FNDC3B: variants seen among roughly 807,000 people sequenced by gnomAD.
FNDC3B encodes the protein fibronectin type III domain-containing protein 3B.
In FNDC3B, 12 loss-of-function variants were observed where a neutral mutation model predicts 151.5. The observed-to-expected ratio is 0.08, with a 90% confidence interval of 0.05 to 0.13. FNDC3B has a LOEUF of 0.13. Ranked by LOEUF, FNDC3B falls within the 10% of genes least tolerant of loss-of-function variation. The pLI is 1.00. For synonymous variants in FNDC3B, 528 were observed against 549.0 expected (o/e 0.96, Z 0.54); for missense variants, 1,214 against 1,505.3 (o/e 0.81, Z 3.20).
chr3:172,307,449 T>TC lies in FNDC3B; in HGVS notation c.1154dup (p.Lys386Ter). 1 of 1,613,946 alleles carries TC rather than the reference T, an allele frequency of 6.2e-7. No individual in the cohort carries two copies. Among genetic ancestry groups the TC allele is most frequent in the Non-Finnish European group, 8.5e-7 (1 of 1,179,952 alleles). On this transcript the variant is annotated frameshift_variant, in exon 10 of 26. Transcript: ENST00000415807. LOFTEE classifies it high-confidence loss of function. Reference sequence around the variant, plus strand: ...CACAGCTGTGCACCCGAGTGTCCTTTCCCCCCTAAGCTGGCACATAGGAGC... The same window carrying TC: ...CACAGCTGTGCACCCGAGTGTCCTTTCCCCCCCTAAGCTGGCACATAGGAGC...
chr3:172,243,550 A>T (rs1421086250), intron 4 of FNDC3B, among the ~76,000 whole-genome samples: 1 of 152,148 alleles, frequency 6.6e-6, no homozygotes, highest in Non-Finnish European at 1.5e-5. Context: ...TTAAATCACC[A>T]TCATGAGAAC....
In FNDC3B at chr3:172,343,063, G is replaced by A. The variant is rs371188009; in HGVS notation, c.2024G>A (p.Arg675Gln). ...CTAAGCATTGCACCAGGTCAATGTC[G>A]ACCACCGAGGGTTTTGGGTAGACCA... ...RTLSIAPGQC[R>Q]PPRVLGRPKH... The change falls in exon 18 of 26, where the codon CGA becomes CAA. Residue 675 changes from arginine to glutamine, a missense_variant. This residue lies in a region of FNDC3B where 380 missense variants were observed against 420.9 expected (regional missense o/e 0.90). Transcript: ENST00000415807. 22 of 1,613,354 alleles carry A rather than the reference G, an allele frequency of 1.4e-5. No individual in the cohort carries two copies. Among genetic ancestry groups the A allele is most frequent in the African/African-American group, 9.3e-5 (7 of 74,918 alleles).
intron 3 of FNDC3B, among the ~76,000 whole-genome samples, chr3:172,139,027 A>T (rs1559984092): frequency 1.3e-5 from 2 of 152,192 alleles, no homozygotes; most frequent in South Asian, 4.1e-4. Context: ...TCTGTGAATG[A>T]CACCATTGAG....
intron 25 of FNDC3B, among the ~76,000 whole-genome samples, chr3:172,391,593 A>T (rs970638943): frequency 1.3e-5 from 2 of 152,368 alleles, no homozygotes; most frequent in East Asian, 1.9e-4. Flanking sequence ...AAGGGTAAAC[A>T]AATATTTCAA....
intron 1 of FNDC3B, among the ~76,000 whole-genome samples, chr3:172,051,508 G>A (rs895555623): frequency 1.3e-5 from 2 of 152,084 alleles, no homozygotes; most frequent in Admixed American, 1.3e-4. Context: ...TTTAAACTTA[G>A]CACCTTTCAA....
rs553961040 is a variant in FNDC3B, at chr3:172,053,283, A to C, written c.-29+13512A>C. Among the ~76,000 whole-genome samples the C allele has an allele frequency of 1.3e-3, 203 of 152,338 alleles. 7 individuals are homozygous for C. The South Asian group carries it at 0.041, about 31-fold the overall frequency. ...AGAAGGCATACTCAAAAACATTAAA[A>C]AACTTTCCTAAGTCACTTAGAGTGA... is the stretch of plus-strand genomic sequence containing the variant. On this transcript the variant is annotated intron_variant, in intron 1 of 25. Transcript: ENST00000415807.
chr3:172,264,822 G>T (rs1728836819), intron 6 of FNDC3B, among the ~76,000 whole-genome samples: 3 of 152,146 alleles, frequency 2.0e-5, no homozygotes. Flanking sequence ...TATGTTACAA[G>T]CTCATTGAGT....
chr3:172,254,177 A>G (rs1383146276), intron 6 of FNDC3B, among the ~76,000 whole-genome samples: 5 of 152,248 alleles, frequency 3.3e-5, no homozygotes, highest in Admixed American at 1.3e-4. Context: ...CACATGTAAA[A>G]GAAGCAAACA....
intron 3 of FNDC3B, among the ~76,000 whole-genome samples, chr3:172,196,684 A>G (rs559640368): frequency 3.9e-5 from 6 of 152,140 alleles, no homozygotes; most frequent in African/African-American, 1.4e-4. Context: ...TGTATCCTGA[A>G]TAGAAGAGGG....
At chr3:172,333,979 A>T (rs552789431) in intron 14 of FNDC3B, among the ~76,000 whole-genome samples, 6 of 152,238 alleles carry the variant, frequency 3.9e-5, no homozygotes, top group South Asian at 2.1e-4. Context: ...AAAAGTGAAT[A>T]TGACTTTACG....
At position 172,321,840 on chromosome 3, in the gene FNDC3B, C is replaced by G. The variant is rs1035159112; in HGVS notation, c.1255-7112C>G. ...AACTCCTGACCTCAGGTGATCCACCCGCCTCGGCCTCCCAAAGTGCCGGGA... is the reference window on the plus strand; with the variant it reads ...AACTCCTGACCTCAGGTGATCCACCGGCCTCGGCCTCCCAAAGTGCCGGGA... On this transcript the variant is annotated intron_variant, in intron 11 of 25. Coordinates refer to ENST00000415807, the MANE Select transcript of FNDC3B (RefSeq NM_022763.4). 8 of 160,348 alleles carry G rather than the reference C, an allele frequency of 5.0e-5. 1 individual carries two copies. The highest frequency in any genetic ancestry group is 3.2e-4 in the Admixed American group (5 of 15,410). The allele number at this position is 160,348 out of a possible 1,614,324, so 9.9% of individuals were successfully genotyped here.
chr3:172,384,670 T>C (rs1206609493), intron 25 of FNDC3B, among the ~76,000 whole-genome samples: 1 of 152,238 alleles, frequency 6.6e-6, no homozygotes, highest in East Asian at 1.9e-4. Flanking sequence ...TGCTGTTTCC[T>C]GTTGAAAAAA....
intron 3 of FNDC3B, among the ~76,000 whole-genome samples, chr3:172,200,012 T>TTCAG (rs1307476904): frequency 2.6e-5 from 4 of 152,006 alleles, no homozygotes; most frequent in Non-Finnish European, 5.9e-5. Context: ...TATTCATTCA[T>TTCAG]TCATTCATTC....
chr3:172,387,406 A>G (rs1466790315), intron 25 of FNDC3B, among the ~76,000 whole-genome samples: 3 of 152,144 alleles, frequency 2.0e-5, no homozygotes, highest in Non-Finnish European at 4.4e-5. Flanking sequence ...CCCCTTCATC[A>G]TATTTTTTTA....
Position 172,040,181 on chromosome 3 carries a change from C to A in FNDC3B, c.-29+410C>A, listed in dbSNP as rs928122392. Among the ~76,000 whole-genome samples the A allele has an allele frequency of 1.6e-4, 25 of 152,310 alleles. No individual in the cohort carries two copies. Among genetic ancestry groups the A allele is most frequent in the African/African-American group, 6.0e-4 (25 of 41,576 alleles). ...CCTCCCGGAATCTCCGCGGCAGGAA[C>A]GCTGCCCAGGAGGGGGAGGGCGGGC... On this transcript the variant is annotated intron_variant, in intron 1 of 25. Transcript: ENST00000415807. The surrounding 1 kb of genome is among the most constrained non-coding windows in gnomAD (Gnocchi z 6.6).
chr3:172,247,298 A>C (rs999244851), intron 4 of FNDC3B, among the ~76,000 whole-genome samples: 1 of 152,240 alleles, frequency 6.6e-6, no homozygotes, highest in Non-Finnish European at 1.5e-5. Context: ...AAAAAGTTAC[A>C]TGGGATCAGA....
chr3:172,201,528 T>C (rs1053000159), intron 3 of FNDC3B, among the ~76,000 whole-genome samples: 3 of 152,206 alleles, frequency 2.0e-5, no homozygotes, highest in African/African-American at 7.2e-5. Context: ...AGCAGTACTG[T>C]AAGCTCTAGA....
chr3:172,064,973 A>G (rs1317951083), intron 1 of FNDC3B, among the ~76,000 whole-genome samples: 1 of 152,164 alleles, frequency 6.6e-6, no homozygotes, highest in Non-Finnish European at 1.5e-5. Context: ...TGCCCTGTAT[A>G]TATGTGACCC....
chr3:172,201,539 G>A (rs1725154155), intron 3 of FNDC3B, among the ~76,000 whole-genome samples: 1 of 152,130 alleles, frequency 6.6e-6, no homozygotes, highest in Non-Finnish European at 1.5e-5. Context: ...AAGCTCTAGA[G>A]GATTTCCCTA....
Sources: allele counts gnomAD v4.1 joint callset (sites outside exome capture counted in the v4.1 genomes callset), GRCh38; gene constraint gnomAD v4.1.1; regional missense constraint gnomAD v4.1.1; non-coding constraint Gnocchi (gnomAD v3.1); transcripts MANE v1.5; gene names NCBI Gene and HGNC (gene_info 2026-07-23, HGNC 2026-07-21).